Variants in PDE1A observed in about 807,000 individuals in gnomAD.
The protein encoded by PDE1A is phosphodiesterase 1A.
PDE1A carries 35 observed loss-of-function variants against 61.7 expected under a neutral mutation model. The ratio of observed to expected loss-of-function variants is 0.57; its 90% CI spans 0.43 to 0.75. The LOEUF (loss-of-function observed/expected upper bound fraction) is 0.75. Ranked by LOEUF, PDE1A falls within the 30% of genes least tolerant of loss-of-function variation. The pLI, the probability that PDE1A is intolerant of heterozygous loss-of-function variation, is 0.00. For synonymous variants in PDE1A, 232 were observed against 213.2 expected (o/e 1.09, Z -0.77); for missense variants, 597 against 630.6 (o/e 0.95, Z 0.57).
At chr2:182,366,529 ATTG>A (rs1206396549) in intron 1 of PDE1A, among the ~76,000 whole-genome samples, 1 of 152,010 alleles carries the variant, frequency 6.6e-6, no homozygotes, top group African/African-American at 2.4e-5. Flanking sequence ...TTAATAACCT[ATTG>A]TTTTTAAATT....
chr2:182,569,507 GC>G, the PDE1A span, among the ~76,000 whole-genome samples: 2 of 152,038 alleles, frequency 1.3e-5, no homozygotes, highest in Non-Finnish European at 2.9e-5. Flanking sequence ...TGGGCGTCAA[GC>G]AGTAGGATGG....
At chr2:182,479,086 G>C (rs946007530) in intron 2 of PDE1A, among the ~76,000 whole-genome samples, 1 of 151,822 alleles carries the variant, frequency 6.6e-6, no homozygotes, top group African/African-American at 2.4e-5. Context: ...AAGGATAAAA[G>C]CCTTACATAT....
intron 1 of PDE1A, among the ~76,000 whole-genome samples, chr2:182,276,179 C>T (rs990113517): frequency 6.6e-6 from 1 of 151,684 alleles, no homozygotes; most frequent in Non-Finnish European, 1.5e-5. Flanking sequence ...TTCAAGAAAA[C>T]TAATAAAGAC....
intron 1 of PDE1A, among the ~76,000 whole-genome samples, chr2:182,404,838 G>A (rs73045415): frequency 0.049 from 7,415 of 152,116 alleles, 580 homozygotes; most frequent in African/African-American, 0.17. Context: ...AATACCTCCT[G>A]AAGGATCTCC....
intron 1 of PDE1A, among the ~76,000 whole-genome samples, chr2:182,376,269 A>G (rs754278606): frequency 1.3e-5 from 2 of 152,204 alleles, no homozygotes; most frequent in African/African-American, 2.4e-5. Context: ...CATTTTTAAA[A>G]TTGAATGCCT....
chr2:182,536,154 T>G, the PDE1A span, among the ~76,000 whole-genome samples: 2 of 152,226 alleles, frequency 1.3e-5, no homozygotes, highest in Non-Finnish European at 2.9e-5. Flanking sequence ...CTCACACTTC[T>G]CAACTTCTGT....
At chr2:182,527,532 T>C (rs1690797239), upstream of PDE1A, among the ~76,000 whole-genome samples, 1 of 149,724 alleles carries the variant, frequency 6.7e-6, no homozygotes, top group African/African-American at 2.5e-5. Flanking sequence ...CACTCCAGCA[T>C]GGGTGACAGA....
At chr2:182,649,570 G>T in the PDE1A span, among the ~76,000 whole-genome samples, 1 of 139,570 alleles carries the variant, frequency 7.2e-6, no homozygotes, top group Non-Finnish European at 1.5e-5. Flanking sequence ...AGCAGTTCGA[G>T]ACCAGCCTGG....
chr2:182,255,330 C>G (rs1277676147), intron 2 of PDE1A, among the ~76,000 whole-genome samples: 2 of 152,192 alleles, frequency 1.3e-5, no homozygotes, highest in East Asian at 3.9e-4. Flanking sequence ...TTAGCCCAAT[C>G]TATTTCTCTT....
chr2:182,611,552 C>T, the PDE1A span, among the ~76,000 whole-genome samples: 1 of 152,176 alleles, frequency 6.6e-6, no homozygotes, highest in East Asian at 1.9e-4. Context: ...ATTTCAGAAC[C>T]CTGGGATTCA....
chr2:182,357,163 T>C (rs1699236939), intron 1 of PDE1A, among the ~76,000 whole-genome samples: 1 of 148,880 alleles, frequency 6.7e-6, no homozygotes, highest in Non-Finnish European at 1.5e-5. Context: ...ACATATACCC[T>C]AAAACTTAAA....
intron 1 of PDE1A, among the ~76,000 whole-genome samples, chr2:182,331,522 A>G (rs1697407693): frequency 6.6e-6 from 1 of 152,070 alleles, no homozygotes; most frequent in Non-Finnish European, 1.5e-5. Context: ...TTCCTTCAGG[A>G]GCTCTTGTAA....
the PDE1A span, among the ~76,000 whole-genome samples, chr2:182,544,536 A>G: frequency 6.6e-6 from 1 of 152,192 alleles, no homozygotes; most frequent in East Asian, 1.9e-4. Flanking sequence ...AACATGTGGC[A>G]CCTGCTCTGG....
Position 182,185,992 on chromosome 2 carries a change from TG to T in PDE1A, c.1415del (p.Pro472GlnfsTer10). On this transcript the variant is annotated frameshift_variant, in exon 13 of 14. Coordinates refer to ENST00000351439, the Ensembl canonical transcript of PDE1A. LOFTEE classifies it high-confidence loss of function. ...GGTCCACTGCTGCAAGGGAGTAGTC[TG>T]GGGAATAGGACCCATCACTCATGGA... The T allele has an allele frequency of 6.2e-7, 1 of 1,614,082 alleles. No individual in the cohort carries two copies. The highest frequency in any genetic ancestry group is 8.5e-7 in the Non-Finnish European group (1 of 1,179,960).
the PDE1A span, among the ~76,000 whole-genome samples, chr2:182,714,839 G>A: frequency 2.6e-5 from 4 of 152,070 alleles, no homozygotes; most frequent in Admixed American, 2.6e-4. Flanking sequence ...GATTACAAGC[G>A]TGAGCCACCA....
At chr2:182,631,145 T>C in the PDE1A span, among the ~76,000 whole-genome samples, 8 of 152,192 alleles carry the variant, frequency 5.3e-5, no homozygotes, top group Admixed American at 4.6e-4. Context: ...ATTTAAAAAC[T>C]TGACAGCCAG....
chr2:182,678,359 G>T, the PDE1A span, among the ~76,000 whole-genome samples: 1 of 152,292 alleles, frequency 6.6e-6, no homozygotes, highest in South Asian at 2.1e-4. Flanking sequence ...GGAGGTGGAG[G>T]TTGCAGTGAG....
At chr2:182,414,085 A>G (rs570586160) in intron 1 of PDE1A, among the ~76,000 whole-genome samples, 1 of 152,282 alleles carries the variant, frequency 6.6e-6, no homozygotes, top group African/African-American at 2.4e-5. Context: ...AAATTTGAGG[A>G]TCACCTAACA....
At chr2:182,177,636 C>T (rs144664393) in intron 13 of PDE1A, among the ~76,000 whole-genome samples, 2,289 of 152,028 alleles carry the variant, frequency 0.015, 31 homozygotes, top group South Asian at 0.057. Flanking sequence ...GTTTTGGTAC[C>T]GGTACCATGC....
Sources: allele counts gnomAD v4.1 joint callset (sites outside exome capture counted in the v4.1 genomes callset), GRCh38; gene constraint gnomAD v4.1.1; transcripts MANE v1.5; gene names NCBI Gene and HGNC (gene_info 2026-07-23, HGNC 2026-07-21).